R3HDM4: variants seen among roughly 807,000 people sequenced by gnomAD.
R3HDM4 encodes the protein R3H domain-containing protein 4.
Under a neutral mutation model 31.3 loss-of-function variants are expected in R3HDM4, and 30 were observed. The ratio of observed to expected loss-of-function variants is 0.96; its 90% CI spans 0.72 to 1.30. The LOEUF is 1.30. Ranked by LOEUF, R3HDM4 falls within the 50% of genes most tolerant of loss-of-function variation. R3HDM4 has a pLI of 0.00. For synonymous variants in R3HDM4, 196 were observed against 156.6 expected (o/e 1.25, Z -1.88); for missense variants, 444 against 366.1 (o/e 1.21, Z -1.74).
At position 901,505 on chromosome 19, in the gene R3HDM4, G is replaced by A. The variant is rs1214357230; in HGVS notation, c.268C>T (p.Pro90Ser). The A allele has an allele frequency of 1.2e-6, 2 of 1,608,680 alleles. No individual in the cohort carries two copies. The highest frequency in any genetic ancestry group is 3.3e-5 in the Admixed American group (2 of 59,982). The change falls in exon 3 of 8, where the codon CCT becomes TCT. Residue 90 changes from proline to serine, a missense_variant. Coordinates refer to ENST00000361574, the MANE Select transcript of R3HDM4 (RefSeq NM_138774.4). ...GCCAAGTCCCCATCCTCCAGGCCAGGCAGGCCCCCGTCTGTCTCCAGCAGG... is the reference window on the plus strand; with the variant it reads ...GCCAAGTCCCCATCCTCCAGGCCAGACAGGCCCCCGTCTGTCTCCAGCAGG... ...LTLLETDGGLPGLEDGDLAPP... is the reference protein window; with the variant it reads ...LTLLETDGGLSGLEDGDLAPP...
chr19:902,034 C>A lies in R3HDM4; in HGVS notation c.168G>T (p.Arg56=). Residue 56 remains arginine, a synonymous_variant, in exon 2 of 8, where the codon CGG becomes CGT. Transcript: ENST00000361574. ...RKQHFINQAV[R]NSDLVPKAKG... Reference sequence around the variant, plus strand: ...TGGCCTTGGGCACGAGGTCTGAGTTCCGCACTGCCTGGTTGATGAAGTGCT... The same window carrying A: ...TGGCCTTGGGCACGAGGTCTGAGTTACGCACTGCCTGGTTGATGAAGTGCT... 6.2e-7 allele frequency: 1 copy of A among 1,613,960 alleles called. No homozygotes were observed. Among genetic ancestry groups the A allele is most frequent in the East Asian group, 2.2e-5 (1 of 44,888 alleles).
Position 899,771 on chromosome 19 carries a change from G to A in R3HDM4, c.562-85C>T. 1 of 1,141,034 alleles carries A rather than the reference G, an allele frequency of 8.8e-7. No individual in the cohort carries two copies. Among genetic ancestry groups the A allele is most frequent in the African/African-American group, 1.6e-5 (1 of 64,114 alleles). 70.7% of individuals were successfully genotyped at this position (1,141,034 alleles called of 1,614,324 possible). Reference sequence around the variant, plus strand: ...GGTCCAGGGCCCCCAGGAGCCCACAGCGCTGGGCTCAAACATGACCTCTGA... The same window carrying A: ...GGTCCAGGGCCCCCAGGAGCCCACAACGCTGGGCTCAAACATGACCTCTGA... On this transcript the variant is annotated intron_variant, in intron 5 of 7. Transcript: ENST00000361574. The surrounding 1 kb of genome is among the most constrained non-coding windows in gnomAD (Gnocchi z 6.8).
Position 897,474 on chromosome 19 carries a change from C to G in R3HDM4, c.770G>C (p.Gly257Ala), listed in dbSNP as rs771636045. The change falls in exon 8 of 8, where the codon GGG (glycine) becomes GCG (alanine). Residue 257 changes from glycine to alanine, a missense_variant. Gly to Ala is a moderately conservative substitution (Grantham distance 60, BLOSUM62 0). Transcript: ENST00000361574. ...CTCCAGGTAGGCGGACAGGAGCAGC[C>G]CCGGCGGCAGGAAATCCAGGTGCCG... The part of the protein sequence containing the change: ...SNRHLDFLPP[G>A]LLLSAYLEQH... The G allele has an allele frequency of 6.2e-7, 1 of 1,612,456 alleles. No homozygotes were observed. The highest frequency in any genetic ancestry group is 1.3e-5 in the African/African-American group (1 of 74,914).
In R3HDM4 at chr19:899,364, C is replaced by A; in HGVS notation, c.703+76G>T. ...CCCCACCAAGCCCCACTCTGAGGAA[C>A]CAGGCCCCTGGGACCCTGGCCACTT... is the stretch of plus-strand genomic sequence containing the variant. On this transcript the variant is annotated intron_variant, in intron 7 of 7. Coordinates refer to ENST00000361574, the MANE Select transcript of R3HDM4 (RefSeq NM_138774.4). The surrounding 1 kb of genome is among the most constrained non-coding windows in gnomAD (Gnocchi z 6.8). 1 of 1,477,662 alleles carries A rather than the reference C, an allele frequency of 6.8e-7. No individual in the cohort carries two copies. The highest frequency in any genetic ancestry group is 9.4e-7 in the Non-Finnish European group (1 of 1,058,850). 91.5% of individuals were successfully genotyped at this position (1,477,662 alleles called of 1,614,324 possible). A position where few individuals can be genotyped will look rare whatever the true frequency, so the allele number is the denominator to read the frequency against.
chr19:907,793 G>C lies in R3HDM4; in HGVS notation c.71+5294C>G, dbSNP rs2145299916. Reference sequence around the variant, plus strand: ...CACTGCAACACGAGGGCTTTCGCCTGTTTTGTTTGGTATCTGAGGGCTCGC... The same window carrying C: ...CACTGCAACACGAGGGCTTTCGCCTCTTTTGTTTGGTATCTGAGGGCTCGC... On this transcript the variant is annotated intron_variant, in intron 1 of 7. Transcript: ENST00000361574. This position sits in a 1 kb window ranked among gnomAD's most constrained non-coding sequence, Gnocchi z 4.1. 6.6e-6 allele frequency among the ~76,000 whole-genome samples: 1 copy of C among 152,328 alleles called. No homozygotes were observed. The highest frequency in any genetic ancestry group is 2.1e-4 in the South Asian group (1 of 4,834).
Position 913,037 on chromosome 19 carries a change from G to C in R3HDM4, c.71+50C>G. On this transcript the variant is annotated intron_variant, in intron 1 of 7. Coordinates refer to ENST00000361574, the MANE Select transcript of R3HDM4 (RefSeq NM_138774.4). This position sits in a 1 kb window ranked among gnomAD's most constrained non-coding sequence, Gnocchi z 5.0. ...GGCGGGGAGAGGATCTCAGGGGAGG[G>C]AGCCCAGCCCGCCCCCGGCGCCCGC... 1.3e-6 allele frequency: 1 copy of C among 754,766 alleles called. No homozygotes were observed. Among genetic ancestry groups the C allele is most frequent in the Non-Finnish European group, 1.6e-6 (1 of 610,238 alleles). The allele number at this position is 754,766 out of a possible 1,614,324, so 46.8% of individuals were successfully genotyped here.
intron 3 of R3HDM4, 155 bp from the exon 4 acceptor site, chr19:901,107 G>T: frequency 9.7e-7 from 1 of 1,032,650 alleles, no homozygotes; most frequent in Non-Finnish European, 1.4e-6. Flanking sequence ...CGGGCCCTGA[G>T]CTGAGCGCAG....
Position 899,776 on chromosome 19 carries a change from G to C in R3HDM4, c.562-90C>G. ...AGGGCCCCCAGGAGCCCACAGCGCT[G>C]GGCTCAAACATGACCTCTGACCCAC... On this transcript the variant is annotated intron_variant, in intron 5 of 7. Coordinates refer to ENST00000361574, the MANE Select transcript of R3HDM4 (RefSeq NM_138774.4). The surrounding 1 kb of genome is among the most constrained non-coding windows in gnomAD (Gnocchi z 6.8). The C allele has an allele frequency of 9.1e-7, 1 of 1,093,346 alleles. No homozygotes were observed. Among genetic ancestry groups the C allele is most frequent in the Non-Finnish European group, 1.3e-6 (1 of 775,372 alleles). The allele number at this position is 1,093,346 out of a possible 1,614,324, so 67.7% of individuals were successfully genotyped here. A position where few individuals can be genotyped will look rare whatever the true frequency, so the allele number is the denominator to read the frequency against.
At chr19:901,685 G>A (rs950749675) in intron 2 of R3HDM4, 139 bp from the exon 3 acceptor site, 1 of 1,186,040 alleles carries the variant, frequency 8.4e-7, no homozygotes, top group African/African-American at 1.5e-5. Flanking sequence ...TTCCCCAGAA[G>A]GTACAGAGAC....
intron 7 of R3HDM4, among the ~76,000 whole-genome samples, chr19:898,113 G>A (rs148682031): frequency 1.6e-4 from 25 of 152,120 alleles, no homozygotes; most frequent in Non-Finnish European, 2.6e-4. Flanking sequence ...AGGGCTGGGC[G>A]CGGTGGCTTA....
chr19:898,219 T>TAAAAA (rs546504389), intron 7 of R3HDM4, among the ~76,000 whole-genome samples: 12 of 136,404 alleles, frequency 8.8e-5, no homozygotes, highest in Non-Finnish European at 1.7e-4. Flanking sequence ...CTGTCTCTAC[T>TAAAAA]AAAAAAAAAA....
rs772115090 is a variant in R3HDM4 at position 899,660 on chromosome 19, C to A, written c.588G>T (p.Arg196=). 1 of 1,602,652 alleles carries A rather than the reference C, an allele frequency of 6.2e-7. No homozygotes were observed. Among genetic ancestry groups the A allele is most frequent in the Admixed American group, 1.7e-5 (1 of 57,814 alleles). ...PMETLETWEE[R]LLRFFSVSPQ... ...GGGACACGGAGAAGAACCGAAGCAG[C>A]CGCTCCTCCCAGGTCTCCAGCGTTT... The change falls in exon 6 of 8, where the codon CGG becomes CGT. Residue 196 remains arginine, a synonymous_variant. Coordinates refer to ENST00000361574, the MANE Select transcript of R3HDM4 (RefSeq NM_138774.4). The surrounding 1 kb of genome is among the most constrained non-coding windows in gnomAD (Gnocchi z 6.8).
intron 1 of R3HDM4, 28 bp from the exon 2 acceptor site, chr19:902,158 A>G (rs2036846620): frequency 6.2e-7 from 1 of 1,609,250 alleles, no homozygotes. Context: ...GGTGGTCCTC[A>G]GGGTCAAGGC....
In R3HDM4 at chr19:896,742, A is replaced by G. The variant is rs959850503; in HGVS notation, c.*695T>C. 1 of 152,550 alleles carries G rather than the reference A, an allele frequency of 6.6e-6. No individual in the cohort carries two copies. Among genetic ancestry groups the G allele is most frequent in the Non-Finnish European group, 1.5e-5 (1 of 68,034 alleles). The allele number at this position is 152,550 out of a possible 1,614,324, so 9.4% of individuals were successfully genotyped here. On this transcript the variant is annotated 3_prime_UTR_variant, in exon 8 of 8. Transcript: ENST00000361574. This position sits in a 1 kb window ranked among gnomAD's most constrained non-coding sequence, Gnocchi z 4.0. ...TTCTGGCTGGAAGTCCTGGACCCCC[A>G]GCATAAAGGAGGGGAGGAAAGGAAG... is the stretch of plus-strand genomic sequence containing the variant.
chr19:904,958 G>A (rs2036883881), intron 1 of R3HDM4, among the ~76,000 whole-genome samples: 1 of 152,148 alleles, frequency 6.6e-6, no homozygotes, highest in Non-Finnish European at 1.5e-5. Context: ...TGTGTTCCCA[G>A]CACTTTGGGA....
rs183797094 is a variant in R3HDM4, at chr19:911,168, G to A, written c.71+1919C>T. On this transcript the variant is annotated intron_variant, in intron 1 of 7. Coordinates refer to ENST00000361574, the MANE Select transcript of R3HDM4 (RefSeq NM_138774.4). ...ATAAATACAAATAATACTAAAGACCGGGTGCGGTGGCTCACGCCTGTAATC... is the reference window on the plus strand; with the variant it reads ...ATAAATACAAATAATACTAAAGACCAGGTGCGGTGGCTCACGCCTGTAATC... Among the ~76,000 whole-genome samples, 802 of 136,640 alleles carry A rather than the reference G, an allele frequency of 5.9e-3. 7 individuals are homozygous for A. The highest frequency in any genetic ancestry group is 0.021 in the African/African-American group (760 of 36,544). 89.6% of individuals were successfully genotyped at this position (136,640 alleles called of 152,430 possible). A position where few individuals can be genotyped will look rare whatever the true frequency, so the allele number is the denominator to read the frequency against.
chr19:897,679 C>A (rs979578854), intron 7 of R3HDM4, 139 bp from the exon 8 acceptor site: 1 of 671,228 alleles, frequency 1.5e-6, no homozygotes. Context: ...TGCGGCCTGG[C>A]TGGCCCTAAG....
At chr19:898,896 CG>C (rs1362805492) in intron 7 of R3HDM4, among the ~76,000 whole-genome samples, 3 of 152,116 alleles carry the variant, frequency 2.0e-5, no homozygotes, top group Non-Finnish European at 4.4e-5. Flanking sequence ...CAACTCCAGG[CG>C]GGGCGGCAGA....
rs2036845280 is a variant in R3HDM4 at position 902,086 on chromosome 19, T to C, written c.116A>G (p.Lys39Arg). Residue 39 changes from lysine (K) to arginine (R), a missense_variant, in exon 2 of 8, where the codon AAG becomes AGG. Coordinates refer to ENST00000361574, the MANE Select transcript of R3HDM4 (RefSeq NM_138774.4). ...CLPALASSQV[K>R]RLSASRRKQH... ...TTTCCGCCTGGAAGCCGAGAGTCTC[T>C]TCACCTGGGAGCTGGCTAGGGCAGG... The C allele has an allele frequency of 6.2e-7, 1 of 1,613,812 alleles. No individual in the cohort carries two copies. Among genetic ancestry groups the C allele is most frequent in the Non-Finnish European group, 8.5e-7 (1 of 1,179,982 alleles).
Sources: gnomAD v4.1 joint callset for allele counts (sites outside exome capture counted in the v4.1 genomes callset) on GRCh38, gnomAD v4.1.1 for gene constraint, Gnocchi (gnomAD v3.1) non-coding constraint, MANE v1.5 for transcripts, NCBI Gene and HGNC (gene_info 2026-07-23, HGNC 2026-07-21) for gene names.